CTNNA2: variants seen among roughly 807,000 people sequenced by gnomAD.
CTNNA2 encodes the protein catenin alpha 2, also known as catenin alpha-2.
CTNNA2 carries 42 observed loss-of-function variants against 101.0 expected under a neutral mutation model. That is an observed-to-expected ratio of 0.42 (90% CI 0.32 to 0.54). The LOEUF is 0.54. Among genes scored for constraint, CTNNA2 ranks in the 20% least tolerant of loss-of-function variants. The probability of loss-of-function intolerance (pLI) is 0.14; values close to 1 mark genes in which losing one functional copy is unlikely to be tolerated. For synonymous variants in CTNNA2, 450 were observed against 456.4 expected (o/e 0.99, Z 0.18); for missense variants, 871 against 1,223.1 (o/e 0.71, Z 4.29).
chr2:79,233,661 C>T (rs760248415), intron 2 of CTNNA2, among the ~76,000 whole-genome samples: 1 of 152,068 alleles, frequency 6.6e-6, no homozygotes, highest in Admixed American at 6.5e-5. Flanking sequence ...TCAAAGTCCC[C>T]CACTATTATT....
At chr2:79,800,300 A>T (rs1487676605) in intron 3 of CTNNA2, among the ~76,000 whole-genome samples, 4 of 152,080 alleles carry the variant, frequency 2.6e-5, no homozygotes, top group Non-Finnish European at 5.9e-5. Context: ...TTTGGTGCAA[A>T]ACGCTAGCCC....
In CTNNA2 at chr2:79,998,652, G is replaced by A. The variant is rs62139633; in HGVS notation, c.1056+88855G>A. Among the ~76,000 whole-genome samples the A allele has an allele frequency of 8.4e-3, 1,273 of 152,276 alleles. 18 individuals are homozygous for A. Among genetic ancestry groups the A allele is most frequent in the Middle Eastern group, 0.014 (4 of 294 alleles). On this transcript the variant is annotated intron_variant, in intron 7 of 18. Transcript: ENST00000402739. ...ATTATGCAGTGTTTTCAAAAAGATA[G>A]CCATTGCACTTTTGTGGGAATTTTA...
At chr2:79,811,266 C>T (rs7563159) in intron 3 of CTNNA2, among the ~76,000 whole-genome samples, 21,640 of 152,096 alleles carry the variant, frequency 0.14, 1,590 homozygotes, top group Admixed American at 0.19. Context: ...ATTTGCATTT[C>T]TCTGATGTCC....
rs548833446 is a variant in CTNNA2 at position 80,289,612 on chromosome 2, A to G, written c.1057-103599A>G. Among the ~76,000 whole-genome samples the G allele has an allele frequency of 2.1e-4, 32 of 152,186 alleles. No individual in the cohort carries two copies. In the South Asian group the frequency reaches 2.9e-3, roughly 14 times the overall value. On this transcript the variant is annotated intron_variant, in intron 7 of 18. Coordinates refer to ENST00000402739, the MANE Select transcript of CTNNA2 (RefSeq NM_001282597.3). ...GACTAATGCTGATTGAGAATCTACT[A>G]TTGGCCAGCAATTTGGCCAACTCAA...
intron 9 of CTNNA2, among the ~76,000 whole-genome samples, chr2:80,526,805 A>G (rs1247926184): frequency 6.6e-6 from 1 of 152,248 alleles, no homozygotes; most frequent in Admixed American, 6.5e-5. Context: ...TGAGAATTGA[A>G]TAAAATAATA....
intron 9 of CTNNA2, among the ~76,000 whole-genome samples, chr2:80,512,149 C>CAAAA (rs59359924): frequency 4.1e-5 from 3 of 73,510 alleles, no homozygotes; most frequent in African/African-American, 6.1e-5. Flanking sequence ...CACTCTGTCT[C>CAAAA]AAAAAAAAAA....
chr2:79,911,031 A>G (rs1024734641), intron 7 of CTNNA2, among the ~76,000 whole-genome samples: 13 of 152,198 alleles, frequency 8.5e-5, no homozygotes, highest in African/African-American at 3.1e-4. Context: ...CACACAAAGA[A>G]TAAAATGTGG....
chr2:79,286,810 A>G (rs1675605121), intron 2 of CTNNA2, among the ~76,000 whole-genome samples: 2 of 152,108 alleles, frequency 1.3e-5, no homozygotes, highest in African/African-American at 4.8e-5. Context: ...CTGCCTTGCT[A>G]GATTGGGGAA....
At chr2:80,189,733 A>G (rs1436018440) in intron 7 of CTNNA2, among the ~76,000 whole-genome samples, 2 of 147,968 alleles carry the variant, frequency 1.4e-5, no homozygotes, top group Non-Finnish European at 3.0e-5. Flanking sequence ...TGACTAGACA[A>G]GGTCCTCAAC....
intron 2 of CTNNA2, among the ~76,000 whole-genome samples, chr2:79,702,212 A>G (rs921692026): frequency 6.8e-6 from 1 of 146,056 alleles, no homozygotes; most frequent in Non-Finnish European, 1.5e-5. Context: ...CTGCTTTTGT[A>G]TGGCCTGCCT....
chr2:79,846,439 C>G (rs759945184), intron 3 of CTNNA2, among the ~76,000 whole-genome samples: 5 of 152,074 alleles, frequency 3.3e-5, no homozygotes, highest in Non-Finnish European at 5.9e-5. Flanking sequence ...ATCAGTGATG[C>G]GAGTATTATT....
chr2:80,645,267 TAG>T (rs1673946928), intron 18 of CTNNA2, among the ~76,000 whole-genome samples: 1 of 152,208 alleles, frequency 6.6e-6, no homozygotes, highest in African/African-American at 2.4e-5. Context: ...GTTAGGTATT[TAG>T]CTTCTAAAGA....
intron 7 of CTNNA2, among the ~76,000 whole-genome samples, chr2:80,198,786 A>T (rs1707007795): frequency 6.6e-6 from 1 of 152,200 alleles, no homozygotes; most frequent in Admixed American, 6.5e-5. Flanking sequence ...ATTGCCCGTG[A>T]TGTCATTGCT....
chr2:79,301,525 A>G (rs948940311), intron 2 of CTNNA2, among the ~76,000 whole-genome samples: 15 of 152,116 alleles, frequency 9.9e-5, no homozygotes, highest in African/African-American at 3.4e-4. Flanking sequence ...GATTTTTGGT[A>G]ATGATCCAGT....
intron 2 of CTNNA2, among the ~76,000 whole-genome samples, chr2:79,268,079 T>C (rs75455991): frequency 2.6e-4 from 39 of 152,106 alleles, no homozygotes; most frequent in African/African-American, 9.2e-4. Flanking sequence ...GCCAGTGATA[T>C]TGAGAAGCTC....
chr2:79,681,509 G>T (rs1372956704), intron 2 of CTNNA2, among the ~76,000 whole-genome samples: 2 of 152,082 alleles, frequency 1.3e-5, no homozygotes, highest in South Asian at 2.1e-4. Context: ...ACACACTATT[G>T]GGTTTTACAA....
intron 2 of CTNNA2, among the ~76,000 whole-genome samples, chr2:79,708,503 T>G (rs1685530639): frequency 6.6e-6 from 1 of 152,220 alleles, no homozygotes; most frequent in Non-Finnish European, 1.5e-5. Flanking sequence ...TTAAATCTTT[T>G]GTCTATGCTT....
At chr2:80,236,844 C>A (rs1241439308) in intron 7 of CTNNA2, among the ~76,000 whole-genome samples, 2 of 152,180 alleles carry the variant, frequency 1.3e-5, no homozygotes, top group Non-Finnish European at 2.9e-5. Flanking sequence ...GTAGGCTTCT[C>A]CTCACTATTA....
chr2:80,158,081 C>T (rs1168851205), intron 7 of CTNNA2, among the ~76,000 whole-genome samples: 8 of 152,170 alleles, frequency 5.3e-5, no homozygotes, highest in Admixed American at 1.3e-4. Context: ...AACTCAACCT[C>T]GTCACCCTGC....
Sources: gnomAD v4.1 joint callset for allele counts (sites outside exome capture counted in the v4.1 genomes callset) on GRCh38, gnomAD v4.1.1 for gene constraint, MANE v1.5 for transcripts, NCBI Gene and HGNC (gene_info 2026-07-23, HGNC 2026-07-21) for gene names.